CAMK2A: variants seen among roughly 807,000 people sequenced by gnomAD.
CAMK2A encodes the protein calcium/calmodulin dependent protein kinase II alpha, also known as calcium/calmodulin-dependent protein kinase type II subunit alpha.
A neutral mutation model predicts 79.2 loss-of-function variants in CAMK2A; 7 were observed. The observed-to-expected ratio is 0.09, with a 90% CI of 0.05 to 0.17. The LOEUF (loss-of-function observed/expected upper bound fraction) is 0.17. Among genes scored for constraint, CAMK2A ranks in the 10% least tolerant of loss-of-function variants. CAMK2A has a pLI of 1.00. For missense variants in CAMK2A, 214 were observed against 646.4 expected (o/e 0.33, Z 7.25); for synonymous variants, 242 against 251.7 (o/e 0.96, Z 0.36).
At chr5:150,246,704 G>A (rs1369787201) in intron 12 of CAMK2A, among the ~76,000 whole-genome samples, 1 of 152,212 alleles carries the variant, frequency 6.6e-6, no homozygotes, top group Non-Finnish European at 1.5e-5. Context: ...TGTCCAGGGA[G>A]AGGGTGGGAA....
At chr5:150,231,455 T>G (rs1754839201) in intron 15 of CAMK2A, 75 bp from the exon 16 acceptor site, 1 of 646,224 alleles carries the variant, frequency 1.5e-6, no homozygotes, top group Non-Finnish European at 2.3e-6. Flanking sequence ...GTGATGGTAA[T>G]GAAGCACCAA....
Position 150,221,526 on chromosome 5 carries a change from CAAAGA to C in CAMK2A, c.*1179_*1183del, listed in dbSNP as rs1342152423. 2.5e-6 allele frequency: 1 copy of C among 398,604 alleles called. No homozygotes were observed. Among genetic ancestry groups the C allele is most frequent in the Non-Finnish European group, 4.4e-6 (1 of 226,100 alleles). 24.7% of individuals were successfully genotyped at this position (398,604 alleles called of 1,614,324 possible). On this transcript the variant is annotated 3_prime_UTR_variant, in exon 19 of 19. Transcript: ENST00000671881. ...AGAAGACCCCAGTTTGCGAGGGAAGCAAAGAAAAGTCCAGGTATTTCCATCCTGAC... is the reference window on the plus strand; with the variant it reads ...AGAAGACCCCAGTTTGCGAGGGAAGCAAAGTCCAGGTATTTCCATCCTGAC...
At position 150,221,749 on chromosome 5, in the gene CAMK2A, CAAAAAA is replaced by C; in HGVS notation, c.*955_*960del. ...GTGACAAGGTCCACCTCAGAGATGA[CAAAAAA>C]AAAAAAAAAAACTAGAACAGAAAAA... On this transcript the variant is annotated 3_prime_UTR_variant, in exon 19 of 19. Transcript: ENST00000671881. 1 of 317,348 alleles carries C rather than the reference CAAAAAA, an allele frequency of 3.2e-6. No individual in the cohort carries two copies. Among genetic ancestry groups the C allele is most frequent in the Non-Finnish European group, 5.4e-6 (1 of 186,136 alleles). 19.7% of individuals were successfully genotyped at this position (317,348 alleles called of 1,614,324 possible).
At chr5:150,248,424 G>A (rs1276961962) in intron 11 of CAMK2A, among the ~76,000 whole-genome samples, 5 of 151,134 alleles carry the variant, frequency 3.3e-5, no homozygotes, top group Non-Finnish European at 7.4e-5. Context: ...CCACGTTGGT[G>A]TGCTGCACCC....
intron 2 of CAMK2A, among the ~76,000 whole-genome samples, chr5:150,271,870 G>C (rs1756762748): frequency 6.6e-6 from 1 of 152,244 alleles, no homozygotes. Context: ...TGCAGATTCA[G>C]ATTCTTCAAG....
chr5:150,289,432 C>T, intron 1 of CAMK2A, 132 bp downstream of exon 1: 2 of 734,908 alleles, frequency 2.7e-6, no homozygotes, highest in South Asian at 3.4e-5. Flanking sequence ...GCAGGTGCCC[C>T]CAAACCCATG....
At chr5:150,283,324 A>G (rs1390600386) in intron 1 of CAMK2A, among the ~76,000 whole-genome samples, 1 of 151,522 alleles carries the variant, frequency 6.6e-6, no homozygotes, top group African/African-American at 2.4e-5. Context: ...TCTCAGGAAC[A>G]CTCTTCCACC....
intron 7 of CAMK2A, 40 bp from the exon 8 acceptor site, chr5:150,252,105 G>A (rs777012180): frequency 2.0e-6 from 3 of 1,485,500 alleles, no homozygotes; most frequent in African/African-American, 2.8e-5. Context: ...CATACACAGA[G>A]GTTGTCTCGT....
Position 150,221,334 on chromosome 5 carries a change from A to G in CAMK2A, c.*1376T>C. The G allele has an allele frequency of 2.5e-6, 1 of 398,250 alleles. No individual in the cohort carries two copies. The highest frequency in any genetic ancestry group is 4.4e-6 in the Non-Finnish European group (1 of 226,030). The allele number at this position is 398,250 out of a possible 1,614,324, so 24.7% of individuals were successfully genotyped here. ...AGAGAGAATGCGAACCCGAGGCTGC[A>G]GGATGAGGCATGAAGAGTAGAAATT... On this transcript the variant is annotated 3_prime_UTR_variant, in exon 19 of 19. Coordinates refer to ENST00000671881, the MANE Select transcript of CAMK2A (RefSeq NM_015981.4).
intron 1 of CAMK2A, among the ~76,000 whole-genome samples, chr5:150,273,959 G>A (rs1756854073): frequency 6.6e-6 from 1 of 152,184 alleles, no homozygotes; most frequent in Non-Finnish European, 1.5e-5. Context: ...ATGTTATCTG[G>A]TCAAGGGGTA....
Position 150,223,107 on chromosome 5 carries a change from C to T in CAMK2A, c.1348G>A (p.Asp450Asn). ...GCGGTGCGTGGGATGCCGCCAGCGT[C>T]CAGGTACTGCGTGATGCGGATGTAG... The part of the protein sequence containing the change: ...IAYIRITQYL[D>N]AGGIPRTAQS... Residue 450 changes from aspartate (D) to asparagine (N), a missense_variant, in exon 18 of 19, where the codon GAC becomes AAC. Coordinates refer to ENST00000671881, the MANE Select transcript of CAMK2A (RefSeq NM_015981.4). This position sits in a 1 kb window ranked among gnomAD's most constrained non-coding sequence, Gnocchi z 4.1. 6.2e-7 allele frequency: 1 copy of T among 1,614,148 alleles called. No individual in the cohort carries two copies. The highest frequency in any genetic ancestry group is 8.5e-7 in the Non-Finnish European group (1 of 1,180,028).
intron 2 of CAMK2A, among the ~76,000 whole-genome samples, chr5:150,270,251 C>T (rs1332390862): frequency 1.3e-5 from 2 of 152,242 alleles, no homozygotes; most frequent in African/African-American, 2.4e-5. Context: ...AATCCAACTT[C>T]ATGGGTGGAA....
chr5:150,279,930 T>G (rs908141550), intron 1 of CAMK2A, among the ~76,000 whole-genome samples: 2 of 152,242 alleles, frequency 1.3e-5, no homozygotes, highest in Non-Finnish European at 2.9e-5. Context: ...AGGGGCCCAC[T>G]GCCCTCTCTG....
intron 1 of CAMK2A, among the ~76,000 whole-genome samples, chr5:150,280,648 C>A (rs1757172234): frequency 6.6e-6 from 1 of 152,104 alleles, no homozygotes. Context: ...CCCACCCTCA[C>A]CACTACCCCT....
rs200022396 is a variant in CAMK2A, at chr5:150,236,068, GA to G, written c.1066+2631del. 7.2e-5 allele frequency among the ~76,000 whole-genome samples: 11 copies of G among 152,182 alleles called. No individual in the cohort carries two copies. The East Asian group carries it at 1.4e-3, about 19-fold the overall frequency. On this transcript the variant is annotated intron_variant, in intron 15 of 18. Transcript: ENST00000671881. ...TCCCTAGGCCTCAAATTTCCCTCTG[GA>G]AAGGGGGAAAATCTGGAAAGTGAGC...
intron 1 of CAMK2A, among the ~76,000 whole-genome samples, chr5:150,282,208 A>G (rs973183540): frequency 6.6e-6 from 1 of 152,060 alleles, no homozygotes; most frequent in African/African-American, 2.4e-5. Flanking sequence ...GCTGTCCCAC[A>G]CTGCCCCCCG....
rs1317635880 is a variant in CAMK2A, at chr5:150,256,743, G to T, written c.338+23C>A. Reference sequence around the variant, plus strand: ...GAGTGCCCTGTCCCCGGGTGCCATTGCCAGGCAGCACCTGACACTCACCTG... The same window carrying T: ...GAGTGCCCTGTCCCCGGGTGCCATTTCCAGGCAGCACCTGACACTCACCTG... On this transcript the variant is annotated intron_variant, in intron 5 of 18. Coordinates refer to ENST00000671881, the MANE Select transcript of CAMK2A (RefSeq NM_015981.4). The surrounding 1 kb of genome is among the most constrained non-coding windows in gnomAD (Gnocchi z 4.6). 23 of 1,612,650 alleles carry T rather than the reference G, an allele frequency of 1.4e-5. No individual in the cohort carries two copies. Among genetic ancestry groups the T allele is most frequent in the Non-Finnish European group, 1.9e-5 (22 of 1,178,810 alleles).
intron 1 of CAMK2A, among the ~76,000 whole-genome samples, chr5:150,280,416 T>C (rs898466123): frequency 6.6e-6 from 1 of 152,044 alleles, no homozygotes; most frequent in African/African-American, 2.4e-5. Flanking sequence ...AACTCTCTCC[T>C]CAAATAAAAC....
intron 3 of CAMK2A, among the ~76,000 whole-genome samples, chr5:150,262,698 T>C (rs1756350358): frequency 6.6e-6 from 1 of 152,184 alleles, no homozygotes; most frequent in Non-Finnish European, 1.5e-5. Flanking sequence ...CACACTAGGC[T>C]TTGTGCCAAG....
Sources: allele counts gnomAD v4.1 joint callset (sites outside exome capture counted in the v4.1 genomes callset), GRCh38; gene constraint gnomAD v4.1.1; non-coding constraint Gnocchi (gnomAD v3.1); transcripts MANE v1.5; gene names NCBI Gene and HGNC (gene_info 2026-07-23, HGNC 2026-07-21).